PELI2: variants seen among roughly 807,000 people sequenced by gnomAD.
PELI2 encodes the protein pellino E3 ubiquitin protein ligase family member 2.
PELI2 carries 23 observed loss-of-function variants against 42.3 expected under a neutral mutation model. That is an observed-to-expected ratio of 0.54 (90% confidence interval 0.39 to 0.77). The LOEUF (loss-of-function observed/expected upper bound fraction) is 0.77. PELI2 is among the 30% of genes least tolerant of loss of function. The pLI is 0.00. For synonymous variants in PELI2, 245 were observed against 212.2 expected (o/e 1.15, Z -1.34); for missense variants, 463 against 553.2 (o/e 0.84, Z 1.64).
At chr14:56,250,221 C>T (rs552260377) in intron 2 of PELI2, among the ~76,000 whole-genome samples, 1 of 152,166 alleles carries the variant, frequency 6.6e-6, no homozygotes, top group Non-Finnish European at 1.5e-5. Flanking sequence ...TTGGGCCACA[C>T]TGGAAACATT....
chr14:56,268,787 G>A (rs953436390), intron 2 of PELI2, among the ~76,000 whole-genome samples: 2 of 152,160 alleles, frequency 1.3e-5, no homozygotes, highest in African/African-American at 4.8e-5. Flanking sequence ...TGCCTGCTGT[G>A]TGTGTGTGTT....
chr14:56,179,154 A>G (rs1426136126), intron 2 of PELI2, among the ~76,000 whole-genome samples: 1 of 152,238 alleles, frequency 6.6e-6, no homozygotes, highest in African/African-American at 2.4e-5. Context: ...TATATGTTAC[A>G]TAGTCGATTT....
intron 1 of PELI2, among the ~76,000 whole-genome samples, chr14:56,161,387 A>C (rs1884759688): frequency 6.6e-6 from 1 of 151,800 alleles, no homozygotes; most frequent in South Asian, 2.1e-4. Context: ...GCTCACTGCA[A>C]ACTCCACCTC....
chr14:56,160,272 C>G (rs1475107332), intron 1 of PELI2, among the ~76,000 whole-genome samples: 1 of 152,112 alleles, frequency 6.6e-6, no homozygotes, highest in African/African-American at 2.4e-5. Context: ...GAACCAAAAC[C>G]ATATGGTGTT....
intron 2 of PELI2, among the ~76,000 whole-genome samples, chr14:56,202,370 C>G (rs1886360057): frequency 6.6e-6 from 1 of 151,684 alleles, no homozygotes; most frequent in African/African-American, 2.4e-5. Flanking sequence ...CAGTTTTTCT[C>G]TAATGGCTTT....
intron 1 of PELI2, among the ~76,000 whole-genome samples, chr14:56,143,722 C>A (rs1475303968): frequency 6.6e-6 from 1 of 152,198 alleles, no homozygotes; most frequent in African/African-American, 2.4e-5. Flanking sequence ...ACTGTTTCAG[C>A]TTTGGCCATT....
chr14:56,294,620 G>A (rs1002580061), intron 5 of PELI2, among the ~76,000 whole-genome samples: 2 of 152,122 alleles, frequency 1.3e-5, no homozygotes, highest in Non-Finnish European at 2.9e-5. Flanking sequence ...TCTGTCCTCA[G>A]TCCTCTCTGC....
intron 2 of PELI2, among the ~76,000 whole-genome samples, chr14:56,207,832 C>A (rs900375698): frequency 1.3e-5 from 2 of 152,200 alleles, no homozygotes; most frequent in African/African-American, 2.4e-5. Flanking sequence ...GAACTCTGAG[C>A]AGGATGGTAC....
intron 2 of PELI2, among the ~76,000 whole-genome samples, chr14:56,199,787 GT>G (rs1466158072): frequency 1.3e-5 from 2 of 152,214 alleles, no homozygotes; most frequent in Admixed American, 6.5e-5. Flanking sequence ...TTTACATGTA[GT>G]TTTCACTCAG....
intron 2 of PELI2, among the ~76,000 whole-genome samples, chr14:56,206,078 T>C (rs994294790): frequency 2.0e-5 from 3 of 152,180 alleles, no homozygotes; most frequent in African/African-American, 7.2e-5. Context: ...TTCACTGTCT[T>C]TTGCAAAGGC....
At chr14:56,295,353 C>G (rs553379745) in intron 5 of PELI2, among the ~76,000 whole-genome samples, 3 of 152,076 alleles carry the variant, frequency 2.0e-5, no homozygotes, top group Non-Finnish European at 1.5e-5. Context: ...CGTCCCCCCC[C>G]ACCCAGTGCC....
intron 1 of PELI2, among the ~76,000 whole-genome samples, chr14:56,144,749 A>G (rs551882999): frequency 2.6e-5 from 4 of 152,348 alleles, no homozygotes; most frequent in Admixed American, 2.6e-4. Flanking sequence ...TGAATGTAAA[A>G]TAGCACTGTT....
chr14:56,194,675 G>A (rs1489729230), intron 2 of PELI2, among the ~76,000 whole-genome samples: 2 of 152,174 alleles, frequency 1.3e-5, no homozygotes, highest in African/African-American at 2.4e-5. Context: ...TCACCCCGCT[G>A]AAAAGCTTGA....
Position 56,180,359 on chromosome 14 carries a change from TA to T in PELI2, c.207+1896del, listed in dbSNP as rs1885535415. On this transcript the variant is annotated intron_variant, in intron 2 of 5. Coordinates refer to ENST00000267460, the MANE Select transcript of PELI2 (RefSeq NM_021255.3). The surrounding 1 kb of genome is among the most constrained non-coding windows in gnomAD (Gnocchi z 4.4). ...TAAAACAGACAAAAGTAAGATAAAT[TA>T]TTATAGGCTAGCCCTCAGAATCAGA... is the stretch of plus-strand genomic sequence containing the variant. Among the ~76,000 whole-genome samples, 3 of 152,168 alleles carry T rather than the reference TA, an allele frequency of 2.0e-5. No individual in the cohort carries two copies. In the South Asian group the frequency reaches 6.2e-4, roughly 31 times the overall value.
chr14:56,225,639 C>T (rs1042471610), intron 2 of PELI2, among the ~76,000 whole-genome samples: 4 of 152,204 alleles, frequency 2.6e-5, no homozygotes, highest in Non-Finnish European at 4.4e-5. Context: ...GCAGCGGTCA[C>T]AACGCCCAGC....
intron 1 of PELI2, among the ~76,000 whole-genome samples, chr14:56,173,941 G>A (rs565539484): frequency 8.5e-5 from 13 of 152,214 alleles, no homozygotes; most frequent in African/African-American, 1.2e-4. Flanking sequence ...TTGCTCTGTC[G>A]CCCAGGCTGG....
At chr14:56,183,803 CATA>C (rs1317574714) in intron 2 of PELI2, among the ~76,000 whole-genome samples, 10 of 152,218 alleles carry the variant, frequency 6.6e-5, no homozygotes, top group Admixed American at 1.3e-4. Flanking sequence ...CTTTATTAGT[CATA>C]CTCAAGAAAA....
At chr14:56,226,815 T>C (rs1473967404) in intron 2 of PELI2, among the ~76,000 whole-genome samples, 1 of 152,252 alleles carries the variant, frequency 6.6e-6, no homozygotes, top group Non-Finnish European at 1.5e-5. Flanking sequence ...CCTTGACTGA[T>C]ATTTAGTGAA....
intron 3 of PELI2, among the ~76,000 whole-genome samples, chr14:56,287,686 G>T (rs11628793): frequency 0.2 from 29,960 of 152,086 alleles, 3,617 homozygotes; most frequent in Admixed American, 0.27. Context: ...AGATGTCTGT[G>T]GTCTGCTGGT....
Sources: gnomAD v4.1 joint callset for allele counts (sites outside exome capture counted in the v4.1 genomes callset) on GRCh38, gnomAD v4.1.1 for gene constraint, Gnocchi (gnomAD v3.1) non-coding constraint, MANE v1.5 for transcripts, NCBI Gene and HGNC (gene_info 2026-07-23, HGNC 2026-07-21) for gene names.